Variants in ADAMTS12 observed in about 807,000 individuals in gnomAD.
ADAMTS12 encodes the protein A disintegrin and metalloproteinase with thrombospondin motifs 12.
ADAMTS12 carries 118 observed loss-of-function variants against 167.8 expected under a neutral mutation model. The observed-to-expected ratio is 0.70, with a 90% CI of 0.61 to 0.82. ADAMTS12 has a LOEUF of 0.82. ADAMTS12 is among the 40% of genes least tolerant of loss of function. ADAMTS12 has a pLI of 0.00. For missense variants in ADAMTS12, 1,916 were observed against 1,998.8 expected (o/e 0.96, Z 0.79); for synonymous variants, 704 against 716.9 (o/e 0.98, Z 0.29).
chr5:33,747,106 C>A (rs1744816409), intron 3 of ADAMTS12, among the ~76,000 whole-genome samples: 1 of 152,170 alleles, frequency 6.6e-6, no homozygotes, highest in Non-Finnish European at 1.5e-5. Flanking sequence ...ATGTGCTGCT[C>A]CCTATTTTTG....
chr5:33,752,297 G>C (rs1232308943), intron 2 of ADAMTS12, among the ~76,000 whole-genome samples: 3 of 152,112 alleles, frequency 2.0e-5, no homozygotes, highest in African/African-American at 7.2e-5. Flanking sequence ...AAACTGCTTT[G>C]CCAATGATCT....
At chr5:33,794,970 T>TA (rs940195028) in intron 2 of ADAMTS12, among the ~76,000 whole-genome samples, 32 of 152,198 alleles carry the variant, frequency 2.1e-4, no homozygotes, top group Non-Finnish European at 8.8e-5. Flanking sequence ...TTACATATTT[T>TA]AAAAATTAAT....
intron 3 of ADAMTS12, among the ~76,000 whole-genome samples, chr5:33,699,830 G>T (rs748173753): frequency 6.6e-6 from 1 of 152,114 alleles, no homozygotes. Context: ...CAAAGGACTA[G>T]TATCAAGAAT....
Position 33,681,244 on chromosome 5 carries a change from C to T in ADAMTS12, c.915+1774G>A, listed in dbSNP as rs74359188. On this transcript the variant is annotated intron_variant, in intron 5 of 23. Coordinates refer to ENST00000504830, the MANE Select transcript of ADAMTS12 (RefSeq NM_030955.4). ...GGGGAAAGAAGAAAAAATGGATCCC[C>T]ACTCCACAGATTGTTTTAAAAATAA... 5.2e-4 allele frequency among the ~76,000 whole-genome samples: 79 copies of T among 152,198 alleles called. 2 individuals are homozygous for T. In the Middle Eastern group the frequency reaches 0.014, roughly 26 times the overall value.
At chr5:33,572,380 T>C (rs1455492022) in intron 19 of ADAMTS12, among the ~76,000 whole-genome samples, 42 of 151,942 alleles carry the variant, frequency 2.8e-4, no homozygotes, top group African/African-American at 8.5e-4. Context: ...TCCAGCAGCA[T>C]ATCAAAAAGC....
chr5:33,544,613 A>G (rs182614381), intron 22 of ADAMTS12, among the ~76,000 whole-genome samples: 8 of 152,310 alleles, frequency 5.3e-5, no homozygotes, highest in African/African-American at 1.9e-4. Context: ...TTCAAATTAT[A>G]CTACAAGGCT....
chr5:33,582,825 AT>A (rs1387001481), intron 18 of ADAMTS12, among the ~76,000 whole-genome samples: 1 of 152,066 alleles, frequency 6.6e-6, no homozygotes, highest in East Asian at 1.9e-4. Context: ...ATTTGAAATT[AT>A]TTTTTTCCAT....
At chr5:33,843,776 G>C (rs1397757345) in intron 2 of ADAMTS12, among the ~76,000 whole-genome samples, 1 of 152,184 alleles carries the variant, frequency 6.6e-6, no homozygotes, top group Admixed American at 6.5e-5. Flanking sequence ...AGCAGGAAGT[G>C]ACTAACAGGC....
At chr5:33,598,174 C>A (rs905590762) in intron 16 of ADAMTS12, among the ~76,000 whole-genome samples, 1 of 152,104 alleles carries the variant, frequency 6.6e-6, no homozygotes, top group Non-Finnish European at 1.5e-5. Flanking sequence ...ATTAATGGTC[C>A]TGGTGACCAT....
intron 18 of ADAMTS12, among the ~76,000 whole-genome samples, chr5:33,586,062 C>T (rs928785360): frequency 6.6e-6 from 1 of 152,134 alleles, no homozygotes; most frequent in Non-Finnish European, 1.5e-5. Flanking sequence ...AGTTTTAGAC[C>T]ATCCAGGGTG....
At chr5:33,791,082 G>T (rs1746549602) in intron 2 of ADAMTS12, among the ~76,000 whole-genome samples, 2 of 152,064 alleles carry the variant, frequency 1.3e-5, no homozygotes, top group South Asian at 2.1e-4. Flanking sequence ...GGAGGACAAG[G>T]CCTCTGAGCT....
intron 3 of ADAMTS12, among the ~76,000 whole-genome samples, chr5:33,691,071 G>C (rs955210200): frequency 3.3e-5 from 5 of 152,306 alleles, no homozygotes; most frequent in East Asian, 1.9e-4. Context: ...CTTCATCCAA[G>C]CCTCCACAAA....
At chr5:33,571,929 C>G (rs1303951907) in intron 19 of ADAMTS12, among the ~76,000 whole-genome samples, 1 of 152,162 alleles carries the variant, frequency 6.6e-6, no homozygotes, top group Admixed American at 6.5e-5. Context: ...ACCACTGATC[C>G]CACAGAAATA....
chr5:33,596,167 A>C (rs920980151), intron 16 of ADAMTS12, 107 bp from the exon 17 acceptor site: 5 of 1,411,562 alleles, frequency 3.5e-6, no homozygotes, highest in East Asian at 4.6e-5. Context: ...GGCTGATGGG[A>C]AAGTTGTTCA....
In ADAMTS12 at chr5:33,678,863, T is replaced by C. The variant is rs77657527; in HGVS notation, c.915+4155A>G. Among the ~76,000 whole-genome samples, 11 of 152,278 alleles carry C rather than the reference T, an allele frequency of 7.2e-5. No individual in the cohort carries two copies. The East Asian group carries it at 2.1e-3, about 29-fold the overall frequency. ...GGTTTTGAGTAGACCAGAAAGTATATACCAGTATAGTCCAGAAAAGAGATA... is the reference window on the plus strand; with the variant it reads ...GGTTTTGAGTAGACCAGAAAGTATACACCAGTATAGTCCAGAAAAGAGATA... On this transcript the variant is annotated intron_variant, in intron 5 of 23. Transcript: ENST00000504830.
chr5:33,719,132 T>C (rs1002816132), intron 3 of ADAMTS12, among the ~76,000 whole-genome samples: 6 of 152,196 alleles, frequency 3.9e-5, no homozygotes, highest in Non-Finnish European at 8.8e-5. Context: ...TCTCAGAGCT[T>C]AATGATCCAC....
chr5:33,641,673 G>T (rs1740449930), intron 11 of ADAMTS12, 137 bp downstream of exon 11: 4 of 847,210 alleles, frequency 4.7e-6, no homozygotes, highest in Non-Finnish European at 6.6e-6. Context: ...GAATCTTCTT[G>T]TTCTGTTTTG....
intron 2 of ADAMTS12, among the ~76,000 whole-genome samples, chr5:33,834,038 G>A (rs1748415453): frequency 6.6e-6 from 1 of 152,080 alleles, no homozygotes; most frequent in East Asian, 1.9e-4. Context: ...TTCTGAGGAA[G>A]AATCTGTTCC....
In ADAMTS12 at chr5:33,589,027, C is replaced by T. The variant is rs540570128; in HGVS notation, c.2655-218G>A. Reference sequence around the variant, plus strand: ...GCCTGGCATGAGCTGTTGCTAAATACGCATGTTTTTGAATGAGAAAAAAAT... The same window carrying T: ...GCCTGGCATGAGCTGTTGCTAAATATGCATGTTTTTGAATGAGAAAAAAAT... On this transcript the variant is annotated intron_variant, in intron 17 of 23. Coordinates refer to ENST00000504830, the MANE Select transcript of ADAMTS12 (RefSeq NM_030955.4). 6.6e-5 allele frequency among the ~76,000 whole-genome samples: 10 copies of T among 152,308 alleles called. No homozygotes were observed. In the South Asian group the frequency reaches 1.7e-3, roughly 25 times the overall value.
Sources: gnomAD v4.1 joint callset for allele counts (sites outside exome capture counted in the v4.1 genomes callset) on GRCh38, gnomAD v4.1.1 for gene constraint, MANE v1.5 for transcripts, NCBI Gene and HGNC (gene_info 2026-07-23, HGNC 2026-07-21) for gene names.